The following KITLG variants were observed in gnomAD, a reference collection of about 807,000 sequenced individuals.
KITLG encodes the protein KIT ligand.
A neutral mutation model predicts 34.1 loss-of-function variants in KITLG; 13 were observed. The ratio of observed to expected loss-of-function variants is 0.38; its 90% CI spans 0.25 to 0.61. The LOEUF (loss-of-function observed/expected upper bound fraction) is 0.61. Ranked by LOEUF, KITLG falls within the 20% of genes least tolerant of loss-of-function variation. The pLI, the probability that KITLG is intolerant of heterozygous loss-of-function variation, is 0.60. For synonymous variants in KITLG, 110 were observed against 104.0 expected (o/e 1.06, Z -0.35); for missense variants, 292 against 318.9 (o/e 0.92, Z 0.64).
At chr12:88,543,026 A>G (rs570971664) in intron 2 of KITLG, among the ~76,000 whole-genome samples, 2 of 152,274 alleles carry the variant, frequency 1.3e-5, no homozygotes, top group African/African-American at 4.8e-5. Flanking sequence ...GCCTCCTTTC[A>G]GAATTTTGTT....
chr12:88,566,578 G>A (rs529162948), intron 1 of KITLG, among the ~76,000 whole-genome samples: 1 of 152,312 alleles, frequency 6.6e-6, no homozygotes, highest in South Asian at 2.1e-4. Context: ...CTACCCAAAT[G>A]CGAGGCCCTC....
intron 1 of KITLG, among the ~76,000 whole-genome samples, chr12:88,571,659 A>G (rs766880919): frequency 3.9e-5 from 6 of 152,172 alleles, no homozygotes; most frequent in Non-Finnish European, 8.8e-5. Flanking sequence ...ATTTCACAAC[A>G]TTCCAAGTGT....
chr12:88,553,841 GT>G (rs1255797558), intron 1 of KITLG, among the ~76,000 whole-genome samples: 1 of 152,224 alleles, frequency 6.6e-6, no homozygotes, highest in Non-Finnish European at 1.5e-5. Context: ...AGTGACAGAT[GT>G]GGCTGGTCCT....
At chr12:88,537,294 C>CAA (rs759211989) in intron 2 of KITLG, among the ~76,000 whole-genome samples, 3 of 149,518 alleles carry the variant, frequency 2.0e-5, no homozygotes, top group Non-Finnish European at 4.5e-5. Flanking sequence ...TATGCAGCCA[C>CAA]AAAAAAAAAC....
At chr12:88,533,215 C>T (rs892604226) in intron 2 of KITLG, among the ~76,000 whole-genome samples, 6 of 152,122 alleles carry the variant, frequency 3.9e-5, no homozygotes, top group South Asian at 2.1e-4. Context: ...CTTTAAATAA[C>T]GTCTGACTTA....
At chr12:88,580,005 G>C in intron 1 of KITLG, 1 of 587,746 alleles carries the variant, frequency 1.7e-6, no homozygotes, top group South Asian at 2.1e-5. Context: ...GTTTCCGACT[G>C]ACAGCTCAAA....
intron 2 of KITLG, among the ~76,000 whole-genome samples, chr12:88,543,453 A>G (rs1870593313): frequency 2.0e-5 from 3 of 151,990 alleles, no homozygotes; most frequent in Admixed American, 2.0e-4. Context: ...ATCTTTTTTT[A>G]TGGCTGCATA....
chr12:88,528,972 C>G (rs1383987318), intron 3 of KITLG, among the ~76,000 whole-genome samples: 2 of 152,078 alleles, frequency 1.3e-5, no homozygotes, highest in East Asian at 1.9e-4. Context: ...ATAAAAATGT[C>G]TGTTTCAAAA....
chr12:88,525,757 G>A (rs574827849), intron 3 of KITLG, among the ~76,000 whole-genome samples: 4 of 152,140 alleles, frequency 2.6e-5, no homozygotes, highest in African/African-American at 4.8e-5. Flanking sequence ...CTAAAAGATA[G>A]GGTCCACATA....
At chr12:88,533,059 A>G (rs1324167465) in intron 2 of KITLG, among the ~76,000 whole-genome samples, 1 of 151,904 alleles carries the variant, frequency 6.6e-6, no homozygotes, top group Non-Finnish European at 1.5e-5. Context: ...GATCAGTGAA[A>G]CTTCAAAAAA....
At chr12:88,512,999 CAA>C (rs1869332094) in intron 6 of KITLG, among the ~76,000 whole-genome samples, 1 of 151,694 alleles carries the variant, frequency 6.6e-6, no homozygotes, top group Non-Finnish European at 1.5e-5. Context: ...ATATAAAAGA[CAA>C]TATATTTCTT....
At chr12:88,523,581 G>A (rs140612141) in intron 3 of KITLG, among the ~76,000 whole-genome samples, 1 of 152,142 alleles carries the variant, frequency 6.6e-6, no homozygotes, top group Non-Finnish European at 1.5e-5. Flanking sequence ...ATTTCTCTGA[G>A]GAATTGTGAC....
intron 9 of KITLG, among the ~76,000 whole-genome samples, chr12:88,504,905 G>A (rs763725563): frequency 6.7e-6 from 1 of 149,398 alleles, no homozygotes; most frequent in Non-Finnish European, 1.5e-5. Flanking sequence ...TCACTCATAG[G>A]TGGGAATTGA....
chr12:88,520,948 T>G (rs536982445), intron 3 of KITLG, among the ~76,000 whole-genome samples: 1 of 152,288 alleles, frequency 6.6e-6, no homozygotes, highest in Non-Finnish European at 1.5e-5. Context: ...CCATGGAAAT[T>G]CCACAATCTA....
At chr12:88,570,286 C>G (rs1871602515) in intron 1 of KITLG, among the ~76,000 whole-genome samples, 1 of 152,064 alleles carries the variant, frequency 6.6e-6, no homozygotes, top group Non-Finnish European at 1.5e-5. Context: ...ATGAGTCAGG[C>G]AAGGGGTTTC....
intron 1 of KITLG, among the ~76,000 whole-genome samples, chr12:88,571,396 T>C (rs573209812): frequency 1.3e-5 from 2 of 152,296 alleles, no homozygotes; most frequent in African/African-American, 4.8e-5. Context: ...GCAGAACCAA[T>C]ACTACATTTG....
chr12:88,500,437 T>A (rs908355424), intron 9 of KITLG, among the ~76,000 whole-genome samples: 3 of 152,232 alleles, frequency 2.0e-5, no homozygotes, highest in Non-Finnish European at 4.4e-5. Context: ...GGTTATTATG[T>A]ATATGTCTGA....
chr12:88,558,564 G>A (rs1232643001), intron 1 of KITLG, among the ~76,000 whole-genome samples: 1 of 152,160 alleles, frequency 6.6e-6, no homozygotes, highest in Non-Finnish European at 1.5e-5. Flanking sequence ...CCTTTTTAGT[G>A]GGATGGAATA....
chr12:88,538,762 T>C (rs139530536), intron 2 of KITLG, among the ~76,000 whole-genome samples: 2 of 152,104 alleles, frequency 1.3e-5, no homozygotes, highest in African/African-American at 4.8e-5. Flanking sequence ...AAGAAATTCA[T>C]GGCAAAAAAA....
Sources: allele counts gnomAD v4.1 joint callset (sites outside exome capture counted in the v4.1 genomes callset), GRCh38; gene constraint gnomAD v4.1.1; transcripts MANE v1.5; gene names NCBI Gene and HGNC (gene_info 2026-07-23, HGNC 2026-07-21).